LRP1B: variants seen among roughly 807,000 people sequenced by gnomAD.
The protein encoded by LRP1B is low-density lipoprotein receptor-related protein 1B.
A neutral mutation model predicts 556.6 loss-of-function variants in LRP1B; 217 were observed. That is an observed-to-expected ratio of 0.39 (90% CI 0.35 to 0.44). The LOEUF is 0.44. Ranked by LOEUF, LRP1B falls within the 20% of genes least tolerant of loss-of-function variation. LRP1B has a pLI of 1.00. For synonymous variants in LRP1B, 2,047 were observed against 1,865.8 expected (o/e 1.10, Z -2.50); for missense variants, 5,053 against 5,620.8 (o/e 0.90, Z 3.23).
intron 1 of LRP1B, among the ~76,000 whole-genome samples, chr2:141,896,588 A>G (rs1175143673): frequency 6.6e-6 from 1 of 152,294 alleles, no homozygotes; most frequent in East Asian, 1.9e-4. Flanking sequence ...ATGGAACATG[A>G]TAAGTCCACA....
intron 1 of LRP1B, among the ~76,000 whole-genome samples, chr2:141,890,323 C>CATATAT (rs556472129): frequency 0.065 from 5,398 of 83,488 alleles, 181 homozygotes; most frequent in South Asian, 0.1. Context: ...GGGCACAATA[C>CATATAT]ATATATATAT....
intron 29 of LRP1B, among the ~76,000 whole-genome samples, chr2:140,847,930 G>A (rs1038741676): frequency 6.6e-6 from 1 of 152,126 alleles, no homozygotes; most frequent in East Asian, 1.9e-4. Flanking sequence ...ATAGAAGTAA[G>A]TCTTGATGAT....
At chr2:141,957,486 G>A (rs1258859219) in intron 1 of LRP1B, among the ~76,000 whole-genome samples, 1 of 151,716 alleles carries the variant, frequency 6.6e-6, no homozygotes. Flanking sequence ...TTGCCTTGTC[G>A]GGAGAACTCA....
At chr2:141,817,400 C>T (rs969441658) in intron 1 of LRP1B, among the ~76,000 whole-genome samples, 1 of 152,198 alleles carries the variant, frequency 6.6e-6, no homozygotes, top group East Asian at 1.9e-4. Flanking sequence ...ACACAGTTTA[C>T]TCAGTTTGGA....
intron 1 of LRP1B, 38 bp from the exon 2 acceptor site, chr2:141,810,439 T>C: frequency 6.2e-7 from 1 of 1,606,672 alleles, no homozygotes. Context: ...ATATGAATGA[T>C]CTGAACATGG....
chr2:140,285,862 A>G (rs1292973813), intron 84 of LRP1B, among the ~76,000 whole-genome samples: 1 of 151,620 alleles, frequency 6.6e-6, no homozygotes, highest in African/African-American at 2.4e-5. Context: ...TTCATTGTGT[A>G]TAGTGTACAT....
chr2:141,109,666 C>CAAAAA (rs34120181), intron 7 of LRP1B, among the ~76,000 whole-genome samples: 90 of 134,528 alleles, frequency 6.7e-4, no homozygotes, highest in African/African-American at 2.5e-3. Context: ...TACAACCTTG[C>CAAAAA]AAAAAAAAAA....
intron 18 of LRP1B, among the ~76,000 whole-genome samples, chr2:140,962,934 G>A (rs1316787855): frequency 2.6e-5 from 4 of 152,134 alleles, no homozygotes; most frequent in Admixed American, 2.6e-4. Context: ...CCAAGCAGAG[G>A]AGTCACTGTT....
At chr2:140,420,729 G>C (rs753993131) in intron 66 of LRP1B, among the ~76,000 whole-genome samples, 2 of 152,144 alleles carry the variant, frequency 1.3e-5, no homozygotes, top group Admixed American at 1.3e-4. Flanking sequence ...CAAAATAATT[G>C]AGTGAAATAA....
chr2:141,860,595 A>G (rs897447283), intron 1 of LRP1B, among the ~76,000 whole-genome samples: 5 of 152,174 alleles, frequency 3.3e-5, no homozygotes, highest in Non-Finnish European at 7.3e-5. Flanking sequence ...TACAATCTAT[A>G]TAATAAAAGC....
chr2:140,379,783 T>C (rs1683394064), intron 67 of LRP1B, among the ~76,000 whole-genome samples: 1 of 152,152 alleles, frequency 6.6e-6, no homozygotes, highest in Non-Finnish European at 1.5e-5. Context: ...CATTTCGTTC[T>C]ACTCTGCTAC....
intron 1 of LRP1B, among the ~76,000 whole-genome samples, chr2:142,082,738 A>T (rs1052745419): frequency 6.6e-6 from 1 of 152,238 alleles, no homozygotes; most frequent in African/African-American, 2.4e-5. Flanking sequence ...CAAAATGCAA[A>T]GAATCAAAAT....
intron 1 of LRP1B, among the ~76,000 whole-genome samples, chr2:141,890,607 T>C (rs1558943130): frequency 6.6e-6 from 1 of 151,894 alleles, no homozygotes; most frequent in African/African-American, 2.4e-5. Context: ...TTCATGAATA[T>C]ACACATAAGA....
chr2:140,412,300 A>G (rs557595924), intron 66 of LRP1B, among the ~76,000 whole-genome samples: 10 of 152,220 alleles, frequency 6.6e-5, no homozygotes, highest in African/African-American at 1.9e-4. Context: ...GATAGTTGAC[A>G]ATTTTCTAGC....
At chr2:141,377,563 TAACTAGTTCAAAAATTCACTGTTGG>T (rs1689485163) in intron 3 of LRP1B, among the ~76,000 whole-genome samples, 1 of 152,124 alleles carries the variant, frequency 6.6e-6, no homozygotes, top group South Asian at 2.1e-4. Flanking sequence ...GACATCTTCT[TAACTAGTTCAAAAATTCACTGTTGG>T]ATATGCAACA....
chr2:141,134,169 TC>T (rs1294409730), intron 7 of LRP1B, among the ~76,000 whole-genome samples: 1 of 151,816 alleles, frequency 6.6e-6, no homozygotes, highest in East Asian at 1.9e-4. Flanking sequence ...ATTTCAGTGA[TC>T]CTCTGCTTGG....
At chr2:140,613,752 C>G (rs1424613313) in intron 41 of LRP1B, among the ~76,000 whole-genome samples, 1 of 152,006 alleles carries the variant, frequency 6.6e-6, no homozygotes, top group East Asian at 1.9e-4. Flanking sequence ...ACCCTAGTCC[C>G]CTTTAATGTG....
chr2:141,433,495 T>C (rs780837793), intron 3 of LRP1B, among the ~76,000 whole-genome samples: 1 of 152,126 alleles, frequency 6.6e-6, no homozygotes, highest in Admixed American at 6.5e-5. Flanking sequence ...TACTAAGTTC[T>C]CTAACTTTTA....
intron 20 of LRP1B, among the ~76,000 whole-genome samples, chr2:140,933,094 G>A (rs1695103854): frequency 6.6e-6 from 1 of 151,724 alleles, no homozygotes; most frequent in Non-Finnish European, 1.5e-5. Flanking sequence ...ACATTATGGC[G>A]ATACATTTTC....
Sources: allele counts gnomAD v4.1 joint callset (sites outside exome capture counted in the v4.1 genomes callset), GRCh38; gene constraint gnomAD v4.1.1; transcripts MANE v1.5; gene names NCBI Gene and HGNC (gene_info 2026-07-23, HGNC 2026-07-21).